CTNNA3: variants seen among roughly 807,000 people sequenced by gnomAD.
The protein encoded by CTNNA3 is catenin alpha 3.
A neutral mutation model predicts 95.7 loss-of-function variants in CTNNA3; 76 were observed. The observed-to-expected ratio is 0.79, with a 90% confidence interval of 0.66 to 0.96. CTNNA3 has a LOEUF of 0.96. Among genes scored for constraint, CTNNA3 ranks in the 40% least tolerant of loss-of-function variants. The pLI, the probability that CTNNA3 is intolerant of heterozygous loss-of-function variation, is 0.00. For missense variants in CTNNA3, 1,191 were observed against 1,089.8 expected, an observed-to-expected ratio of 1.09 and a Z score of -1.31; for synonymous variants, 431 against 374.4, an observed-to-expected ratio of 1.15 and a Z score of -1.74.
chr10:66,070,556 A>G (rs1002726201), intron 14 of CTNNA3, among the ~76,000 whole-genome samples: 2 of 152,162 alleles, frequency 1.3e-5, no homozygotes, highest in Admixed American at 6.6e-5. Flanking sequence ...TTATTAGAAT[A>G]AATAGTGCTG....
At chr10:65,959,817 C>T (rs184916975) in intron 17 of CTNNA3, among the ~76,000 whole-genome samples, 29 of 152,272 alleles carry the variant, frequency 1.9e-4, no homozygotes, top group Admixed American at 1.8e-3. Flanking sequence ...TACCTGGCAA[C>T]TCCCCTCTTT....
chr10:66,215,236 C>A (rs72797225), intron 13 of CTNNA3, among the ~76,000 whole-genome samples: 13 of 152,174 alleles, frequency 8.5e-5, no homozygotes, highest in Non-Finnish European at 1.2e-4. Context: ...CGTGCATGAT[C>A]CAATCTGAAG....
At chr10:67,693,138 A>G (rs913450759) in intron 1 of CTNNA3, among the ~76,000 whole-genome samples, 1 of 152,240 alleles carries the variant, frequency 6.6e-6, no homozygotes, top group Non-Finnish European at 1.5e-5. Flanking sequence ...GTTACAGATT[A>G]CTCGCTGAAT....
intron 6 of CTNNA3, among the ~76,000 whole-genome samples, chr10:67,197,748 A>T (rs958768428): frequency 6.6e-6 from 1 of 152,156 alleles, no homozygotes; most frequent in Non-Finnish European, 1.5e-5. Flanking sequence ...CCTGGAGTTT[A>T]ATATCCAGTT....
At chr10:66,749,219 A>AG (rs1839023819) in intron 9 of CTNNA3, among the ~76,000 whole-genome samples, 1 of 148,810 alleles carries the variant, frequency 6.7e-6, no homozygotes, top group Admixed American at 6.9e-5. Context: ...AAAAAAAAAA[A>AG]AAAAAAAAAG....
At chr10:66,506,076 G>A in intron 11 of CTNNA3, among the ~76,000 whole-genome samples, 1 of 152,068 alleles carries the variant, frequency 6.6e-6, no homozygotes, top group Admixed American at 6.5e-5. Context: ...GAGATTACTT[G>A]GTAAGGGAGG....
intron 7 of CTNNA3, among the ~76,000 whole-genome samples, chr10:66,976,146 A>G (rs1025840304): frequency 6.6e-6 from 1 of 152,200 alleles, no homozygotes; most frequent in African/African-American, 2.4e-5. Context: ...TGTAAAACAT[A>G]TGTTCTTGTG....
chr10:65,972,576 C>T (rs1333416361), intron 16 of CTNNA3, among the ~76,000 whole-genome samples: 1 of 152,004 alleles, frequency 6.6e-6, no homozygotes, highest in Admixed American at 6.6e-5. Context: ...AAGAACTCAA[C>T]TCCATTTACA....
At chr10:65,940,622 T>A (rs554026664) in intron 17 of CTNNA3, among the ~76,000 whole-genome samples, 1 of 152,310 alleles carries the variant, frequency 6.6e-6, no homozygotes, top group African/African-American at 2.4e-5. Context: ...TACACACATG[T>A]GGTTTTAGCA....
At position 66,884,992 on chromosome 10, in the gene CTNNA3, A is replaced by G. The variant is rs541785791; in HGVS notation, c.1048-109468T>C. On this transcript the variant is annotated intron_variant, in intron 7 of 17. Coordinates refer to ENST00000433211, the MANE Select transcript of CTNNA3 (RefSeq NM_013266.4). Reference sequence around the variant, plus strand: ...GATTTGAGGGTAAATTCATTTTCCCAGGTTATTACATAGCTTGACAGCACT... The same window carrying G: ...GATTTGAGGGTAAATTCATTTTCCCGGGTTATTACATAGCTTGACAGCACT... Among the ~76,000 whole-genome samples the G allele has an allele frequency of 1.8e-4, 27 of 152,250 alleles. 1 individual carries two copies. The South Asian group carries it at 5.6e-3, about 32-fold the overall frequency.
intron 5 of CTNNA3, among the ~76,000 whole-genome samples, chr10:67,503,974 G>A (rs539048476): frequency 0.021 from 3,230 of 151,378 alleles, 73 homozygotes; most frequent in South Asian, 0.036. Flanking sequence ...TGGCTAACAT[G>A]GTGAAACCCC....
chr10:66,436,851 C>G (rs530752387), intron 11 of CTNNA3, among the ~76,000 whole-genome samples: 1 of 152,146 alleles, frequency 6.6e-6, no homozygotes, highest in Admixed American at 6.5e-5. Context: ...ATGTTTAGTG[C>G]TTTCTTCAGG....
intron 17 of CTNNA3, among the ~76,000 whole-genome samples, chr10:65,965,393 CTTTTTT>C (rs561552884): frequency 6.8e-4 from 53 of 77,668 alleles, no homozygotes; most frequent in African/African-American, 2.1e-3. Context: ...CTCCCCTCTA[CTTTTTT>C]TTTTTTTTTT....
intron 5 of CTNNA3, among the ~76,000 whole-genome samples, chr10:67,423,799 C>T (rs1845825729): frequency 6.6e-6 from 1 of 152,088 alleles, no homozygotes; most frequent in Non-Finnish European, 1.5e-5. Context: ...AAGGACTTGG[C>T]ACATAGTGTG....
intron 15 of CTNNA3, among the ~76,000 whole-genome samples, chr10:66,041,821 C>T (rs928793723): frequency 1.3e-5 from 2 of 152,262 alleles, no homozygotes; most frequent in African/African-American, 4.8e-5. Flanking sequence ...ACTGGGATAC[C>T]TAACTCCATT....
intron 11 of CTNNA3, among the ~76,000 whole-genome samples, chr10:66,433,305 C>T (rs916918293): frequency 6.6e-6 from 1 of 152,152 alleles, no homozygotes; most frequent in Non-Finnish European, 1.5e-5. Context: ...TCCTTTCCAC[C>T]GTCTGTTGTT....
chr10:67,364,857 A>C (rs954423193), intron 5 of CTNNA3, among the ~76,000 whole-genome samples: 2 of 152,232 alleles, frequency 1.3e-5, no homozygotes, highest in African/African-American at 4.8e-5. Flanking sequence ...CTTTCTTCAT[A>C]GAATTGGAAA....
intron 5 of CTNNA3, among the ~76,000 whole-genome samples, chr10:67,387,420 G>A (rs1465314933): frequency 2.6e-5 from 4 of 152,124 alleles, no homozygotes; most frequent in African/African-American, 9.7e-5. Context: ...GCCCCACGGA[G>A]TCTCGCTGAT....
At chr10:67,533,715 G>T (rs1469766566) in intron 4 of CTNNA3, among the ~76,000 whole-genome samples, 1 of 152,030 alleles carries the variant, frequency 6.6e-6, no homozygotes, top group Non-Finnish European at 1.5e-5. Flanking sequence ...ACACTAGTTG[G>T]TGGTCTCAGA....
Sources: allele counts gnomAD v4.1 joint callset (sites outside exome capture counted in the v4.1 genomes callset), GRCh38; gene constraint gnomAD v4.1.1; transcripts MANE v1.5; gene names NCBI Gene and HGNC (gene_info 2026-07-23, HGNC 2026-07-21).